ANK1: variants seen among roughly 807,000 people sequenced by gnomAD.
The protein encoded by ANK1 is ankyrin 1.
Under a neutral mutation model 210.4 loss-of-function variants are expected in ANK1, and 51 were observed. That is an observed-to-expected ratio of 0.24 (90% CI 0.19 to 0.31). ANK1 has a LOEUF of 0.31. ANK1 is among the 10% of genes least tolerant of loss of function. The pLI is 1.00. For synonymous variants in ANK1, 967 were observed against 1,025.9 expected (o/e 0.94, Z 1.10); for missense variants, 2,051 against 2,504.4 (o/e 0.82, Z 3.86).
At chr8:41,696,650 C>T in intron 25 of ANK1, 26 bp downstream of exon 25, 1 of 1,607,338 alleles carries the variant, frequency 6.2e-7, no homozygotes, top group Non-Finnish European at 8.5e-7. Flanking sequence ...AGACAGGAGT[C>T]CCCGAGCCCT....
At chr8:41,868,402 C>T (rs2150823318) in intron 1 of ANK1, among the ~76,000 whole-genome samples, 1 of 152,298 alleles carries the variant, frequency 6.6e-6, no homozygotes, top group South Asian at 2.1e-4. Flanking sequence ...TGGGGAAGGG[C>T]AAAACCATTC....
intron 1 of ANK1, among the ~76,000 whole-genome samples, chr8:41,838,054 C>G (rs1222958690): frequency 6.6e-6 from 1 of 152,086 alleles, no homozygotes; most frequent in East Asian, 1.9e-4. Flanking sequence ...CTCCCTGGCC[C>G]CCTCACCAGT....
intron 37 of ANK1, among the ~76,000 whole-genome samples, chr8:41,679,602 G>T (rs1267387156): frequency 8.2e-6 from 1 of 121,986 alleles, no homozygotes; most frequent in Admixed American, 1.1e-4. Context: ...TCACTCTGTG[G>T]CCCAGGCGGG....
chr8:41,752,964 G>C (rs996278957), intron 2 of ANK1, among the ~76,000 whole-genome samples: 4 of 152,128 alleles, frequency 2.6e-5, no homozygotes, highest in Non-Finnish European at 5.9e-5. Flanking sequence ...CTTCTACAAG[G>C]GGGGGATATT....
intron 2 of ANK1, among the ~76,000 whole-genome samples, chr8:41,738,498 A>G (rs1301588871): frequency 4.6e-5 from 7 of 152,216 alleles, no homozygotes; most frequent in Non-Finnish European, 2.9e-5. Flanking sequence ...ATGCATAACT[A>G]GTTTATGCAG....
intron 2 of ANK1, among the ~76,000 whole-genome samples, chr8:41,756,959 TC>T (rs1839305249): frequency 6.6e-6 from 1 of 152,202 alleles, no homozygotes; most frequent in Admixed American, 6.5e-5. Context: ...ATAGCAGGAT[TC>T]CGTTTCTGTG....
chr8:41,872,776 C>G (rs1437562709), intron 1 of ANK1, among the ~76,000 whole-genome samples: 2 of 152,208 alleles, frequency 1.3e-5, no homozygotes, highest in Non-Finnish European at 2.9e-5. Context: ...CTGCCCAGGT[C>G]TCTCCCTGGA....
At chr8:41,880,635 C>T (rs902782074) in intron 1 of ANK1, among the ~76,000 whole-genome samples, 7 of 152,194 alleles carry the variant, frequency 4.6e-5, no homozygotes, top group Admixed American at 3.3e-4. Flanking sequence ...CACCAAACCC[C>T]GCAAACACCT....
At position 41,701,541 on chromosome 8, in the gene ANK1, C is replaced by T; in HGVS notation, c.2461+9G>A. On this transcript the variant is annotated intron_variant, in intron 22 of 42. Transcript: ENST00000289734. ...CCCCACCAGCCTGAGCTCTTTACCCCAACGTTACCTTCATCTTCCGAGACA... is the reference window on the plus strand; with the variant it reads ...CCCCACCAGCCTGAGCTCTTTACCCTAACGTTACCTTCATCTTCCGAGACA... The T allele has an allele frequency of 6.2e-7, 1 of 1,614,074 alleles. No homozygotes were observed. Among genetic ancestry groups the T allele is most frequent in the South Asian group, 1.1e-5 (1 of 91,076 alleles).
At chr8:41,845,282 G>A (rs1281845690) in intron 1 of ANK1, among the ~76,000 whole-genome samples, 1 of 151,996 alleles carries the variant, frequency 6.6e-6, no homozygotes, top group East Asian at 1.9e-4. Context: ...CTACTGGGGA[G>A]GCTGAGGCAG....
intron 2 of ANK1, among the ~76,000 whole-genome samples, chr8:41,749,819 T>C (rs1266588984): frequency 6.6e-6 from 1 of 151,658 alleles, no homozygotes; most frequent in African/African-American, 2.4e-5. Context: ...TCCATGTTAG[T>C]CAGGCTCGTC....
At chr8:41,887,116 GAC>G (rs1292297933) in intron 1 of ANK1, among the ~76,000 whole-genome samples, 1 of 152,028 alleles carries the variant, frequency 6.6e-6, no homozygotes, top group Non-Finnish European at 1.5e-5. Context: ...ATCTCCAGAA[GAC>G]ACACAGTCAG....
Position 41,696,548 on chromosome 8 carries a change from G to A in ANK1, c.2775C>T (p.Ser925=). The A allele has an allele frequency of 6.2e-7, 1 of 1,613,932 alleles. No individual in the cohort carries two copies. Among genetic ancestry groups the A allele is most frequent in the Non-Finnish European group, 8.5e-7 (1 of 1,180,018 alleles). ...VSFMVDARGG[S]MRGSRHNGLR... ...GGCCGTTGTGGCGACTTCCTCTCAT[G>A]GAACCACCCCGGGCGTCAACCATGA... Residue 925 remains serine (S), a synonymous_variant, in exon 26 of 43, where the codon TCC becomes TCT. Coordinates refer to ENST00000289734, the MANE Select transcript of ANK1 (RefSeq NM_000037.4).
intron 1 of ANK1, among the ~76,000 whole-genome samples, chr8:41,831,552 G>A (rs74617301): frequency 0.013 from 1,906 of 151,350 alleles, 23 homozygotes; most frequent in East Asian, 0.028. Flanking sequence ...GGAAACTGAG[G>A]CAGAAGGATT....
chr8:41,745,196 CAG>C (rs1408494878), intron 2 of ANK1, among the ~76,000 whole-genome samples: 3 of 151,918 alleles, frequency 2.0e-5, no homozygotes, highest in African/African-American at 7.3e-5. Flanking sequence ...GAAGGAGGCA[CAG>C]AGAGAGGGAG....
At chr8:41,845,139 C>T (rs988664637) in intron 1 of ANK1, among the ~76,000 whole-genome samples, 5 of 152,298 alleles carry the variant, frequency 3.3e-5, no homozygotes, top group African/African-American at 1.2e-4. Context: ...AATCCTAGCA[C>T]TTTGGGAGGC....
chr8:41,815,106 T>A (rs562695806), intron 1 of ANK1, among the ~76,000 whole-genome samples: 1 of 152,308 alleles, frequency 6.6e-6, no homozygotes, highest in East Asian at 1.9e-4. Context: ...CACAGATCAT[T>A]ATGAAGTAAA....
chr8:41,756,072 T>C (rs1286381399), intron 2 of ANK1, among the ~76,000 whole-genome samples: 2 of 152,234 alleles, frequency 1.3e-5, no homozygotes, highest in East Asian at 3.8e-4. Flanking sequence ...CAAGACCAAC[T>C]GAATCCAAAT....
At chr8:41,842,619 C>T (rs998711217) in intron 1 of ANK1, among the ~76,000 whole-genome samples, 6 of 152,122 alleles carry the variant, frequency 3.9e-5, no homozygotes, top group African/African-American at 4.8e-5. Flanking sequence ...ACTCTAAGAG[C>T]GCCTGCCTTG....
Sources: allele counts gnomAD v4.1 joint callset (sites outside exome capture counted in the v4.1 genomes callset), GRCh38; gene constraint gnomAD v4.1.1; transcripts MANE v1.5; gene names NCBI Gene and HGNC (gene_info 2026-07-23, HGNC 2026-07-21).